CAMK2D: variants seen among roughly 807,000 people sequenced by gnomAD.
CAMK2D encodes calcium/calmodulin-dependent protein kinase type II subunit delta.
In CAMK2D, 37 loss-of-function variants were observed where a neutral mutation model predicts 84.0. The observed-to-expected ratio is 0.44, with a 90% CI of 0.34 to 0.58. The LOEUF (loss-of-function observed/expected upper bound fraction) is 0.58. CAMK2D is among the 20% of genes least tolerant of loss of function. The pLI, the probability that CAMK2D is intolerant of heterozygous loss-of-function variation, is 0.02. For synonymous variants in CAMK2D, 202 were observed against 212.5 expected, an observed-to-expected ratio of 0.95 and a Z score of 0.43; for missense variants, 448 against 652.5, an observed-to-expected ratio of 0.69 and a Z score of 3.41.
intron 16 of CAMK2D, among the ~76,000 whole-genome samples, chr4:113,495,870 C>T (rs992267077): frequency 6.6e-6 from 1 of 152,034 alleles, no homozygotes; most frequent in Non-Finnish European, 1.5e-5. Flanking sequence ...AAGTGAGATA[C>T]TGGAAACAGG....
rs139819157 is a variant in CAMK2D, at chr4:113,496,013, A to G, written c.1135+4450T>C. 5.1e-3 allele frequency among the ~76,000 whole-genome samples: 784 copies of G among 152,268 alleles called. 2 individuals carry two copies. The highest frequency in any genetic ancestry group is 8.6e-3 in the Non-Finnish European group (584 of 68,030). ...AGGAGGAAGTGGGTGACTCTGAACAATGGTGCTGGATGGGTTATGAGGCGG... is the reference window on the plus strand; with the variant it reads ...AGGAGGAAGTGGGTGACTCTGAACAGTGGTGCTGGATGGGTTATGAGGCGG... On this transcript the variant is annotated intron_variant, in intron 16 of 20. Coordinates refer to ENST00000511664, the MANE Select transcript of CAMK2D (RefSeq NM_001321571.2).
At position 113,602,786 on chromosome 4, in the gene CAMK2D, C is replaced by T. The variant is rs191726191; in HGVS notation, c.275+6366G>A. ...AACGTATTATACACAGTTTAATAAA[C>T]GTCTGTTTGTTTGTTTTTTCCTTAA... On this transcript the variant is annotated intron_variant, in intron 4 of 20. Coordinates refer to ENST00000511664, the MANE Select transcript of CAMK2D (RefSeq NM_001321571.2). Among the ~76,000 whole-genome samples the T allele has an allele frequency of 1.8e-4, 27 of 152,200 alleles. No homozygotes were observed. The East Asian group carries it at 3.5e-3, about 20-fold the overall frequency.
chr4:113,471,816 C>G (rs1247042456), intron 16 of CAMK2D, among the ~76,000 whole-genome samples: 1 of 151,582 alleles, frequency 6.6e-6, no homozygotes, highest in African/African-American at 2.4e-5. Context: ...GTTTCTAGTC[C>G]CCCTCCTCTC....
chr4:113,595,727 C>T (rs888068675), intron 4 of CAMK2D, among the ~76,000 whole-genome samples: 20 of 152,148 alleles, frequency 1.3e-4, no homozygotes, highest in Admixed American at 3.9e-4. Flanking sequence ...TCTCTAAAAA[C>T]AATGTGACAT....
At chr4:113,525,674 G>T (rs1166628376) in intron 8 of CAMK2D, among the ~76,000 whole-genome samples, 1 of 152,160 alleles carries the variant, frequency 6.6e-6, no homozygotes, top group African/African-American at 2.4e-5. Flanking sequence ...GCTTGTTTTA[G>T]TCATTATACC....
At chr4:113,721,912 G>T (rs1383438425) in intron 2 of CAMK2D, among the ~76,000 whole-genome samples, 1 of 151,994 alleles carries the variant, frequency 6.6e-6, no homozygotes. Context: ...CTTTCTTAAA[G>T]AAACCTATTT....
chr4:113,612,711 A>T (rs1257209820), intron 3 of CAMK2D, among the ~76,000 whole-genome samples: 1 of 152,224 alleles, frequency 6.6e-6, no homozygotes, highest in African/African-American at 2.4e-5. Context: ...GTTTGCTCAA[A>T]GGTAAAATTA....
intron 4 of CAMK2D, among the ~76,000 whole-genome samples, chr4:113,552,800 G>A (rs1161582463): frequency 6.6e-6 from 1 of 152,182 alleles, no homozygotes; most frequent in Non-Finnish European, 1.5e-5. Context: ...CTGGGTGAAA[G>A]AGTACCCACA....
At chr4:113,488,633 C>T (rs1007109255) in intron 16 of CAMK2D, among the ~76,000 whole-genome samples, 2 of 152,038 alleles carry the variant, frequency 1.3e-5, no homozygotes, top group Non-Finnish European at 2.9e-5. Flanking sequence ...ATATATATGC[C>T]TTTAGAGTTT....
intron 4 of CAMK2D, among the ~76,000 whole-genome samples, chr4:113,563,051 C>G (rs935305915): frequency 1.3e-5 from 2 of 151,938 alleles, no homozygotes; most frequent in South Asian, 2.1e-4. Flanking sequence ...CTCAGGAGTT[C>G]GAGGCCAGGC....
rs535164233 is a variant in CAMK2D at position 113,656,462 on chromosome 4, C to T, written c.220+5251G>A. Among the ~76,000 whole-genome samples the T allele has an allele frequency of 2.6e-5, 4 of 152,246 alleles. No individual in the cohort carries two copies. In the South Asian group the frequency reaches 8.3e-4, roughly 32 times the overall value. ...ATATCCTGACTGAACACTATTATCACTGATTGTGCTCATGTAACTAGGAAA... is the reference window on the plus strand; with the variant it reads ...ATATCCTGACTGAACACTATTATCATTGATTGTGCTCATGTAACTAGGAAA... On this transcript the variant is annotated intron_variant, in intron 3 of 20. Transcript: ENST00000511664.
chr4:113,698,622 T>C (rs1349436831), intron 2 of CAMK2D, among the ~76,000 whole-genome samples: 1 of 152,054 alleles, frequency 6.6e-6, no homozygotes, highest in Admixed American at 6.6e-5. Flanking sequence ...ACTCAAACAG[T>C]AGAGAAAAGA....
intron 16 of CAMK2D, among the ~76,000 whole-genome samples, chr4:113,465,819 G>A (rs926871191): frequency 6.6e-6 from 1 of 151,960 alleles, no homozygotes; most frequent in African/African-American, 2.4e-5. Flanking sequence ...TGTGATCTGT[G>A]CCCTGCCAGA....
intron 2 of CAMK2D, among the ~76,000 whole-genome samples, chr4:113,705,666 C>A (rs2099448849): frequency 6.6e-6 from 1 of 152,156 alleles, no homozygotes; most frequent in Admixed American, 6.5e-5. Flanking sequence ...CAAATGTGCT[C>A]TTCTAAGAGA....
In CAMK2D at chr4:113,591,860, T is replaced by A. The variant is rs143866031; in HGVS notation, c.275+17292A>T. On this transcript the variant is annotated intron_variant, in intron 4 of 20. Coordinates refer to ENST00000511664, the MANE Select transcript of CAMK2D (RefSeq NM_001321571.2). ...ACTCAATGTAGAGTCTTCTGTGTCT[T>A]CCCATTCCCCAGCTCATTAGACACC... 1.3e-3 allele frequency among the ~76,000 whole-genome samples: 195 copies of A among 152,280 alleles called. 2 individuals carry two copies. Among genetic ancestry groups the A allele is most frequent in the African/African-American group, 4.5e-3 (189 of 41,566 alleles).
intron 3 of CAMK2D, among the ~76,000 whole-genome samples, chr4:113,611,047 A>AACAC (rs141563975): frequency 0.015 from 2,248 of 148,716 alleles, 27 homozygotes; most frequent in Non-Finnish European, 0.025. Flanking sequence ...ATATACACAT[A>AACAC]ACACACACAC....
intron 9 of CAMK2D, among the ~76,000 whole-genome samples, chr4:113,517,114 A>C (rs912064983): frequency 3.9e-5 from 6 of 152,152 alleles, no homozygotes; most frequent in African/African-American, 1.4e-4. Context: ...AAACAGTACA[A>C]AAACAAAAAA....
At chr4:113,746,975 A>G (rs2099605588) in intron 2 of CAMK2D, among the ~76,000 whole-genome samples, 1 of 139,356 alleles carries the variant, frequency 7.2e-6, no homozygotes, top group Non-Finnish European at 1.5e-5. Flanking sequence ...TCTACCATTA[A>G]TAATATATAT....
In CAMK2D at chr4:113,566,429, T is replaced by C. The variant is rs138345174; in HGVS notation, c.276-14333A>G. Among the ~76,000 whole-genome samples, 6 of 152,342 alleles carry C rather than the reference T, an allele frequency of 3.9e-5. No individual in the cohort carries two copies. In the East Asian group the frequency reaches 1.2e-3, roughly 29 times the overall value. ...TCCTCCAATATCCATTTTCCTCCAC[T>C]TCCATTCTGCCCTCCTATAATCCCT... On this transcript the variant is annotated intron_variant, in intron 4 of 20. Coordinates refer to ENST00000511664, the MANE Select transcript of CAMK2D (RefSeq NM_001321571.2).
Sources: allele counts gnomAD v4.1 joint callset (sites outside exome capture counted in the v4.1 genomes callset), GRCh38; gene constraint gnomAD v4.1.1; transcripts MANE v1.5; gene names NCBI Gene and HGNC (gene_info 2026-07-23, HGNC 2026-07-21).